Variants in ZDHHC14 observed in about 807,000 individuals in gnomAD.
ZDHHC14 encodes palmitoyltransferase ZDHHC14.
Under a neutral mutation model 47.7 loss-of-function variants are expected in ZDHHC14, and 16 were observed. That is an observed-to-expected ratio of 0.34 (90% CI 0.23 to 0.51). The LOEUF (loss-of-function observed/expected upper bound fraction) is 0.51, where lower values mean the gene tolerates loss of function less well. Ranked by LOEUF, ZDHHC14 falls within the 20% of genes least tolerant of loss-of-function variation. The pLI, the probability that ZDHHC14 is intolerant of heterozygous loss-of-function variation, is 0.97. For missense variants in ZDHHC14, 515 were observed against 662.5 expected, an observed-to-expected ratio of 0.78 and a Z score of 2.44; for synonymous variants, 293 against 278.9, an observed-to-expected ratio of 1.05 and a Z score of -0.50.
At chr6:157,592,691 G>C in intron 2 of ZDHHC14, 1 of 1,096,876 alleles carries the variant, frequency 9.1e-7, no homozygotes, top group Non-Finnish European at 1.1e-6. Flanking sequence ...AGGGAGGGGA[G>C]GGGGAAGGAG....
chr6:157,601,047 G>A (rs1784318229), intron 3 of ZDHHC14, among the ~76,000 whole-genome samples: 1 of 152,226 alleles, frequency 6.6e-6, no homozygotes, highest in Non-Finnish European at 1.5e-5. Flanking sequence ...GAGAGGCCCT[G>A]ACTGCAGATG....
chr6:157,431,812 C>A (rs915735134), intron 1 of ZDHHC14, among the ~76,000 whole-genome samples: 3 of 151,570 alleles, frequency 2.0e-5, no homozygotes, highest in Non-Finnish European at 4.4e-5. Context: ...TCACTGCAGC[C>A]TCAACCCTCT....
At chr6:157,479,623 G>T (rs771177449) in intron 1 of ZDHHC14, among the ~76,000 whole-genome samples, 13 of 152,232 alleles carry the variant, frequency 8.5e-5, no homozygotes, top group Non-Finnish European at 1.2e-4. Flanking sequence ...CTCACAGGAG[G>T]TTGGCTCTAC....
chr6:157,479,774 G>A (rs751652933), intron 1 of ZDHHC14, among the ~76,000 whole-genome samples: 5 of 152,226 alleles, frequency 3.3e-5, no homozygotes, highest in African/African-American at 1.2e-4. Flanking sequence ...GCTGTGCACT[G>A]GGCCTGCCCA....
rs185181378 is a variant in ZDHHC14 at position 157,411,284 on chromosome 6, T to A, written c.245+29018T>A. ...TTTATATAACATTCTCACAGTGACATCATACAGAGATGGAGAACAGACAAA... is the reference window on the plus strand; with the variant it reads ...TTTATATAACATTCTCACAGTGACAACATACAGAGATGGAGAACAGACAAA... On this transcript the variant is annotated intron_variant, in intron 1 of 8. Transcript: ENST00000359775. Among the ~76,000 whole-genome samples, 820 of 152,258 alleles carry A rather than the reference T, an allele frequency of 5.4e-3. 13 individuals carry two copies. Among genetic ancestry groups the A allele is most frequent in the Non-Finnish European group, 5.5e-3 (374 of 68,026 alleles).
chr6:157,475,427 C>T (rs578014730), intron 1 of ZDHHC14, among the ~76,000 whole-genome samples: 21 of 151,882 alleles, frequency 1.4e-4, no homozygotes, highest in Non-Finnish European at 2.2e-4. Context: ...ATAGGGATTG[C>T]GTTGAATCTG....
intron 3 of ZDHHC14, among the ~76,000 whole-genome samples, chr6:157,601,368 A>C (rs1439543617): frequency 6.6e-6 from 1 of 152,218 alleles, no homozygotes; most frequent in African/African-American, 2.4e-5. Context: ...GAAAATAAAC[A>C]CAAATATATA....
At chr6:157,588,022 A>G (rs1783759873) in intron 2 of ZDHHC14, among the ~76,000 whole-genome samples, 1 of 152,192 alleles carries the variant, frequency 6.6e-6, no homozygotes, top group Non-Finnish European at 1.5e-5. Context: ...TAGGAGGCCA[A>G]GGCAGGCGGG....
At chr6:157,384,052 C>T (rs146616160) in intron 1 of ZDHHC14, among the ~76,000 whole-genome samples, 1,841 of 152,234 alleles carry the variant, frequency 0.012, 21 homozygotes, top group South Asian at 0.066. Context: ...ACAGGTGGTC[C>T]TCTAGTTGCA....
At position 157,495,695 on chromosome 6, in the gene ZDHHC14, A is replaced by ATTTTTTTTTTTTT. The variant is rs71027341; in HGVS notation, c.246-46875_246-46863dup. Among the ~76,000 whole-genome samples, 27 of 104,350 alleles carry ATTTTTTTTTTTTT rather than the reference A, an allele frequency of 2.6e-4. 1 individual carries two copies. The highest frequency in any genetic ancestry group is 6.3e-4 in the Admixed American group (5 of 7,934). 68.5% of individuals were successfully genotyped at this position (104,350 alleles called of 152,430 possible). A position where few individuals can be genotyped will look rare whatever the true frequency, so the allele number is the denominator to read the frequency against. On this transcript the variant is annotated intron_variant, in intron 1 of 8. Coordinates refer to ENST00000359775, the MANE Select transcript of ZDHHC14 (RefSeq NM_024630.3). ...GGAAATGTTGAGAAGTTCGGGTTGAATTTTTTTTTTTTTTTTTTTTTTTTT... is the reference window on the plus strand; with the variant it reads ...GGAAATGTTGAGAAGTTCGGGTTGAATTTTTTTTTTTTTTTTTTTTTTTTTTTTTTTTTTTTTT...
chr6:157,512,061 A>G (rs1780510640), intron 1 of ZDHHC14, among the ~76,000 whole-genome samples: 1 of 152,250 alleles, frequency 6.6e-6, no homozygotes, highest in Non-Finnish European at 1.5e-5. Context: ...GGAGGAGGAT[A>G]GTGACGGCAC....
chr6:157,431,911 T>G (rs1273608140), intron 1 of ZDHHC14, among the ~76,000 whole-genome samples: 1 of 152,024 alleles, frequency 6.6e-6, no homozygotes, highest in Non-Finnish European at 1.5e-5. Context: ...GTATTTTTTG[T>G]AGAGATAGGG....
At chr6:157,653,059 G>A (rs545205902) in intron 7 of ZDHHC14, among the ~76,000 whole-genome samples, 4 of 152,336 alleles carry the variant, frequency 2.6e-5, no homozygotes, top group South Asian at 4.1e-4. Flanking sequence ...CAAGCAGAGT[G>A]CATGCTGGCG....
At chr6:157,525,884 T>A (rs975701299) in intron 1 of ZDHHC14, among the ~76,000 whole-genome samples, 12 of 152,330 alleles carry the variant, frequency 7.9e-5, no homozygotes, top group African/African-American at 2.9e-4. Flanking sequence ...CCCATCAGAC[T>A]TCTTTCTTTC....
chr6:157,603,187 C>T (rs1002475155), intron 3 of ZDHHC14, among the ~76,000 whole-genome samples: 43 of 152,180 alleles, frequency 2.8e-4, no homozygotes, highest in African/African-American at 1.0e-3. Flanking sequence ...CTTTGTGAAG[C>T]AAGTGTTTAC....
intron 1 of ZDHHC14, among the ~76,000 whole-genome samples, chr6:157,417,756 G>A (rs951583118): frequency 3.3e-5 from 5 of 152,104 alleles, no homozygotes; most frequent in Non-Finnish European, 5.9e-5. Flanking sequence ...CGAGGCGGGC[G>A]GATCACGCTA....
At chr6:157,504,383 C>T (rs1780266584) in intron 1 of ZDHHC14, among the ~76,000 whole-genome samples, 1 of 150,404 alleles carries the variant, frequency 6.6e-6, no homozygotes, top group African/African-American at 2.5e-5. Flanking sequence ...CTCCTGACCT[C>T]GTGATCTGCC....
chr6:157,607,096 C>G (rs1316675961), intron 3 of ZDHHC14, among the ~76,000 whole-genome samples: 2 of 152,140 alleles, frequency 1.3e-5, no homozygotes, highest in Non-Finnish European at 2.9e-5. Flanking sequence ...ATGTTAGAAA[C>G]ATCGTCTTTA....
chr6:157,583,135 C>A (rs1451071308), intron 2 of ZDHHC14, among the ~76,000 whole-genome samples: 1 of 151,926 alleles, frequency 6.6e-6, no homozygotes, highest in Non-Finnish European at 1.5e-5. Flanking sequence ...TATTGCAATT[C>A]TTAGATCCCT....
Sources: allele counts gnomAD v4.1 joint callset (sites outside exome capture counted in the v4.1 genomes callset), GRCh38; gene constraint gnomAD v4.1.1; transcripts MANE v1.5; gene names NCBI Gene and HGNC (gene_info 2026-07-23, HGNC 2026-07-21).